UNC13C: variants seen among roughly 807,000 people sequenced by gnomAD.
UNC13C encodes the protein unc-13 homolog C.
In UNC13C, 174 loss-of-function variants were observed where a neutral mutation model predicts 245.4. That is an observed-to-expected ratio of 0.71 (90% CI 0.63 to 0.80). UNC13C has a LOEUF of 0.80. UNC13C is among the 30% of genes least tolerant of loss of function. The pLI is 0.00. For missense variants in UNC13C, 2,829 were observed against 2,602.9 expected, an observed-to-expected ratio of 1.09 and a Z score of -1.89; for synonymous variants, 992 against 895.1, an observed-to-expected ratio of 1.11 and a Z score of -1.93.
the UNC13C span, among the ~76,000 whole-genome samples, chr15:53,874,150 A>G: frequency 3.3e-5 from 5 of 151,788 alleles, no homozygotes; most frequent in Admixed American, 6.6e-5. Context: ...TAATTTTTGT[A>G]TTTTTTGTGG....
At chr15:54,609,768 G>T (rs1189175684) in intron 30 of UNC13C, among the ~76,000 whole-genome samples, 3 of 152,152 alleles carry the variant, frequency 2.0e-5, no homozygotes, top group African/African-American at 7.2e-5. Flanking sequence ...ACATATCCAA[G>T]ACTGGGTAAT....
chr15:54,597,844 T>C (rs1899183949), intron 30 of UNC13C, among the ~76,000 whole-genome samples: 1 of 152,180 alleles, frequency 6.6e-6, no homozygotes, highest in Non-Finnish European at 1.5e-5. Context: ...ATATAAACAA[T>C]TTTCCAGTTA....
chr15:54,092,200 A>C (rs1899611010), intron 2 of UNC13C, among the ~76,000 whole-genome samples: 1 of 152,178 alleles, frequency 6.6e-6, no homozygotes, highest in African/African-American at 2.4e-5. Flanking sequence ...GTGTAGAATT[A>C]TATATGACCA....
At chr15:54,119,937 G>T (rs76627644) in intron 2 of UNC13C, among the ~76,000 whole-genome samples, 4,359 of 152,210 alleles carry the variant, frequency 0.029, 215 homozygotes, top group African/African-American at 0.1. Context: ...GGAAGCCACA[G>T]AAGAAAAGTT....
At chr15:54,449,021 C>T (rs1415957162) in intron 19 of UNC13C, among the ~76,000 whole-genome samples, 1 of 152,112 alleles carries the variant, frequency 6.6e-6, no homozygotes, top group Non-Finnish European at 1.5e-5. Flanking sequence ...TTTTATTTCT[C>T]CTTCATTTAT....
At chr15:54,005,201 C>T (rs547278118) in intron 1 of UNC13C, among the ~76,000 whole-genome samples, 21 of 151,972 alleles carry the variant, frequency 1.4e-4, no homozygotes, top group Admixed American at 1.3e-3. Context: ...TCAACAAAGA[C>T]CAAAATTTTA....
At chr15:54,514,013 A>G (rs1274834887) in intron 24 of UNC13C, among the ~76,000 whole-genome samples, 3 of 152,172 alleles carry the variant, frequency 2.0e-5, no homozygotes, top group African/African-American at 7.2e-5. Context: ...TGAGTGCATC[A>G]TGTGTCCTCC....
At chr15:54,263,051 T>C (rs2140887822) in intron 8 of UNC13C, among the ~76,000 whole-genome samples, 1 of 152,326 alleles carries the variant, frequency 6.6e-6, no homozygotes, top group East Asian at 1.9e-4. Context: ...TTATCCCATT[T>C]AATCTCTAAA....
At chr15:54,098,279 A>G (rs1899982205) in intron 2 of UNC13C, among the ~76,000 whole-genome samples, 1 of 152,136 alleles carries the variant, frequency 6.6e-6, no homozygotes, top group African/African-American at 2.4e-5. Context: ...GGTTCAAGCA[A>G]TTCCACTGCC....
intron 18 of UNC13C, among the ~76,000 whole-genome samples, chr15:54,407,654 A>T (rs2040324946): frequency 1.3e-5 from 2 of 152,142 alleles, no homozygotes; most frequent in Admixed American, 1.3e-4. Flanking sequence ...ATGTTTTATA[A>T]TGGAAAAAAA....
chr15:54,231,481 A>G (rs1280059012), intron 4 of UNC13C, among the ~76,000 whole-genome samples: 1 of 136,208 alleles, frequency 7.3e-6, no homozygotes, highest in Non-Finnish European at 1.6e-5. Context: ...GACCTTGGGT[A>G]TGATTTTGAA....
intron 30 of UNC13C, among the ~76,000 whole-genome samples, chr15:54,594,678 C>T (rs1898975158): frequency 6.6e-6 from 1 of 152,164 alleles, no homozygotes. Context: ...TTCCATCATG[C>T]CCCCTGCAAC....
intron 25 of UNC13C, among the ~76,000 whole-genome samples, chr15:54,531,026 G>A (rs1895715001): frequency 6.6e-6 from 1 of 152,122 alleles, no homozygotes; most frequent in Non-Finnish European, 1.5e-5. Context: ...TCAAGTGGGA[G>A]GATGGTAAAG....
intron 1 of UNC13C, among the ~76,000 whole-genome samples, chr15:54,001,918 C>G (rs2249323): frequency 0.99 from 150,106 of 152,314 alleles, 74,002 homozygotes; most frequent in Middle Eastern, 1. Context: ...ATCAAGGATG[C>G]AAATGCTCCG....
At chr15:54,618,225 C>A (rs994641431) in intron 30 of UNC13C, among the ~76,000 whole-genome samples, 8 of 152,152 alleles carry the variant, frequency 5.3e-5, no homozygotes, top group Non-Finnish European at 1.2e-4. Flanking sequence ...AAGAGAAGTT[C>A]AAATAAAGCA....
At chr15:54,086,681 T>C (rs1287432788) in intron 2 of UNC13C, among the ~76,000 whole-genome samples, 1 of 151,514 alleles carries the variant, frequency 6.6e-6, no homozygotes, top group Non-Finnish European at 1.5e-5. Flanking sequence ...AATTGTCTTA[T>C]TTGTTTGTAA....
chr15:53,883,357 C>G, the UNC13C span, among the ~76,000 whole-genome samples: 1 of 152,160 alleles, frequency 6.6e-6, no homozygotes, highest in Non-Finnish European at 1.5e-5. Flanking sequence ...AATATTTCCT[C>G]TTGGTATCAG....
intron 19 of UNC13C, among the ~76,000 whole-genome samples, chr15:54,477,768 C>G (rs1475903135): frequency 9.4e-4 from 138 of 146,778 alleles, no homozygotes; most frequent in African/African-American, 3.3e-3. Context: ...GTCTAAAATT[C>G]TCTTTTTTGG....
intron 17 of UNC13C, among the ~76,000 whole-genome samples, chr15:54,357,403 A>G (rs1171808424): frequency 3.9e-5 from 6 of 152,172 alleles, no homozygotes; most frequent in South Asian, 2.1e-4. Flanking sequence ...CCATTATCCA[A>G]CAGGACTTTC....
Sources: gnomAD v4.1 joint callset for allele counts (sites outside exome capture counted in the v4.1 genomes callset) on GRCh38, gnomAD v4.1.1 for gene constraint, MANE v1.5 for transcripts, NCBI Gene and HGNC (gene_info 2026-07-23, HGNC 2026-07-21) for gene names.